Variants in CSMD3 observed in about 807,000 individuals in gnomAD.
CSMD3 encodes CUB and Sushi multiple domains 3.
CSMD3 carries 177 observed loss-of-function variants against 435.2 expected under a neutral mutation model. The observed-to-expected ratio is 0.41, with a 90% CI of 0.36 to 0.46. The LOEUF is 0.46. Ranked by LOEUF, CSMD3 falls within the 20% of genes least tolerant of loss-of-function variation. The probability of loss-of-function intolerance (pLI) is 0.34; values close to 1 mark genes in which losing one functional copy is unlikely to be tolerated. For missense variants in CSMD3, 4,265 were observed against 4,504.6 expected (o/e 0.95, Z 1.52); for synonymous variants, 1,656 against 1,520.5 (o/e 1.09, Z -2.07).
chr8:112,648,991 A>C (rs1233607089), intron 19 of CSMD3, among the ~76,000 whole-genome samples: 1 of 152,180 alleles, frequency 6.6e-6, no homozygotes, highest in Non-Finnish European at 1.5e-5. Context: ...GTGACAGGGA[A>C]GAGCTCTCCT....
At chr8:112,258,294 C>T (rs1194863732) in intron 61 of CSMD3, among the ~76,000 whole-genome samples, 2 of 152,150 alleles carry the variant, frequency 1.3e-5, no homozygotes, top group Non-Finnish European at 2.9e-5. Context: ...TCTAATTAAA[C>T]TGAAAAGCTT....
intron 35 of CSMD3, among the ~76,000 whole-genome samples, chr8:112,394,038 G>A (rs891112961): frequency 6.6e-6 from 1 of 151,958 alleles, no homozygotes; most frequent in Non-Finnish European, 1.5e-5. Context: ...GCAATCATAT[G>A]TCTAACAAGT....
chr8:113,311,546 T>C, intron 2 of CSMD3: 1 of 151,944 alleles, frequency 6.6e-6, no homozygotes, highest in Admixed American at 6.6e-5. Context: ...AAACACACCA[T>C]AAGGACATGC....
intron 5 of CSMD3, chr8:113,098,540 CTTTTAT>C: frequency 1.8e-6 from 1 of 556,364 alleles, no homozygotes; most frequent in South Asian, 2.1e-5. Context: ...ATAGGAATAA[CTTTTAT>C]TTGTTTATAC....
At chr8:113,378,381 C>T (rs1037178685) in intron 1 of CSMD3, among the ~76,000 whole-genome samples, 1 of 152,016 alleles carries the variant, frequency 6.6e-6, no homozygotes, top group Admixed American at 6.5e-5. Flanking sequence ...AACTGACATT[C>T]CTTGTTTAGA....
intron 3 of CSMD3, among the ~76,000 whole-genome samples, chr8:113,238,142 A>G (rs1381009957): frequency 1.3e-5 from 2 of 151,514 alleles, no homozygotes; most frequent in East Asian, 1.9e-4. Flanking sequence ...AATTATGCCT[A>G]CTCAGTAGAG....
intron 47 of CSMD3, among the ~76,000 whole-genome samples, chr8:112,317,825 G>A: frequency 6.6e-6 from 1 of 151,888 alleles, no homozygotes; most frequent in South Asian, 2.1e-4. Flanking sequence ...ATAATCAGAA[G>A]TTACTTTAGA....
chr8:113,124,958 T>G (rs776299896), intron 4 of CSMD3, among the ~76,000 whole-genome samples: 2 of 152,004 alleles, frequency 1.3e-5, no homozygotes, highest in Non-Finnish European at 2.9e-5. Flanking sequence ...TTTAAAATTC[T>G]CAATGGTTTC....
intron 27 of CSMD3, among the ~76,000 whole-genome samples, chr8:112,537,236 C>T (rs1231180650): frequency 6.6e-6 from 1 of 151,316 alleles, no homozygotes; most frequent in Non-Finnish European, 1.5e-5. Context: ...CAAATAAAAC[C>T]TAAAATATAC....
intron 3 of CSMD3, among the ~76,000 whole-genome samples, chr8:113,275,904 A>G (rs940695062): frequency 6.6e-6 from 1 of 152,012 alleles, no homozygotes; most frequent in African/African-American, 2.4e-5. Flanking sequence ...AGGTTAGTAG[A>G]TCTATTTTAC....
intron 2 of CSMD3, among the ~76,000 whole-genome samples, chr8:113,292,915 G>GA (rs941366267): frequency 2.0e-5 from 3 of 151,486 alleles, no homozygotes; most frequent in Admixed American, 6.6e-5. Flanking sequence ...GAAGAAAGAT[G>GA]AAAAAAAATT....
intron 3 of CSMD3, among the ~76,000 whole-genome samples, chr8:113,186,119 T>A (rs1184309280): frequency 6.6e-6 from 1 of 152,034 alleles, no homozygotes; most frequent in African/African-American, 2.4e-5. Flanking sequence ...TATTTGCTTG[T>A]CAATTCCAGT....
chr8:113,229,616 A>T (rs1410807204), intron 3 of CSMD3, among the ~76,000 whole-genome samples: 1 of 151,722 alleles, frequency 6.6e-6, no homozygotes, highest in Non-Finnish European at 1.5e-5. Flanking sequence ...AAAATCGTGA[A>T]TTAAGGAAAT....
intron 7 of CSMD3, among the ~76,000 whole-genome samples, chr8:112,969,355 A>G (rs2084553911): frequency 6.6e-6 from 1 of 151,974 alleles, no homozygotes; most frequent in Non-Finnish European, 1.5e-5. Flanking sequence ...CTTACCTTAA[A>G]CCTAAGAATA....
chr8:112,514,234 T>G (rs989586103), intron 28 of CSMD3, among the ~76,000 whole-genome samples: 1 of 152,104 alleles, frequency 6.6e-6, no homozygotes, highest in Non-Finnish European at 1.5e-5. Flanking sequence ...GTGGTTGATT[T>G]TGAAAACCTA....
chr8:112,678,863 G>A (rs2075823315), intron 16 of CSMD3, among the ~76,000 whole-genome samples: 1 of 152,030 alleles, frequency 6.6e-6, no homozygotes, highest in Non-Finnish European at 1.5e-5. Flanking sequence ...AAGTTTCAGT[G>A]AAAATCTTAA....
intron 30 of CSMD3, among the ~76,000 whole-genome samples, chr8:112,501,043 CT>C (rs1299161440): frequency 6.6e-6 from 1 of 152,078 alleles, no homozygotes; most frequent in Non-Finnish European, 1.5e-5. Flanking sequence ...CAACAGTGGG[CT>C]GGCTTTCCCC....
chr8:112,707,487 A>T (rs61442139), intron 13 of CSMD3, among the ~76,000 whole-genome samples: 26 of 143,116 alleles, frequency 1.8e-4, no homozygotes, highest in Non-Finnish European at 2.6e-4. Context: ...GTGCGGCGGG[A>T]GGGGGGTGGT....
intron 1 of CSMD3, among the ~76,000 whole-genome samples, chr8:113,401,966 C>A (rs2094512086): frequency 6.6e-6 from 1 of 151,430 alleles, no homozygotes; most frequent in Non-Finnish European, 1.5e-5. Flanking sequence ...ATGATGTTCA[C>A]ACAATGAATA....
Sources: allele counts gnomAD v4.1 joint callset (sites outside exome capture counted in the v4.1 genomes callset), GRCh38; gene constraint gnomAD v4.1.1; transcripts MANE v1.5; gene names NCBI Gene and HGNC (gene_info 2026-07-23, HGNC 2026-07-21).